The following DPYD variants were observed in gnomAD, a reference collection of about 807,000 sequenced individuals.
The protein encoded by DPYD is dihydropyrimidine dehydrogenase [NADP(+)].
In DPYD, 109 loss-of-function variants were observed where a neutral mutation model predicts 116.2. That is an observed-to-expected ratio of 0.94 (90% CI 0.80 to 1.10). The LOEUF (loss-of-function observed/expected upper bound fraction) is 1.10, where lower values mean the gene tolerates loss of function less well. DPYD is among the 50% of genes least tolerant of loss of function. The pLI is 0.00. For synonymous variants in DPYD, 440 were observed against 432.0 expected, an observed-to-expected ratio of 1.02 and a Z score of -0.23; for missense variants, 1,302 against 1,254.5, an observed-to-expected ratio of 1.04 and a Z score of -0.57.
chr1:97,255,526 A>C (rs902675353), intron 18 of DPYD, among the ~76,000 whole-genome samples: 7 of 152,090 alleles, frequency 4.6e-5, no homozygotes, highest in African/African-American at 1.7e-4. Context: ...GCCTGCTGCC[A>C]TTCATGTAAG....
intron 3 of DPYD, among the ~76,000 whole-genome samples, chr1:97,813,940 A>G (rs934130650): frequency 6.6e-6 from 1 of 151,748 alleles, no homozygotes; most frequent in Non-Finnish European, 1.5e-5. Flanking sequence ...ACACACACAC[A>G]CACACACACA....
At chr1:97,451,087 T>C (rs1054780516) in intron 13 of DPYD, among the ~76,000 whole-genome samples, 3 of 152,154 alleles carry the variant, frequency 2.0e-5, no homozygotes, top group African/African-American at 7.2e-5. Context: ...CCTCACCATC[T>C]TGTCACTTTT....
At chr1:97,211,388 A>G (rs2101871473) in intron 19 of DPYD, among the ~76,000 whole-genome samples, 1 of 152,278 alleles carries the variant, frequency 6.6e-6, no homozygotes, top group Admixed American at 6.5e-5. Context: ...TAAAGTACTT[A>G]CCACTATCTG....
In DPYD at chr1:97,688,910, C is replaced by T. The variant is rs541105619; in HGVS notation, c.762+2807G>A. ...AGTATAATTCAACATATAAACTCAA[C>T]GTAAGTATTTACAAAGGGGAATTGA... On this transcript the variant is annotated intron_variant, in intron 7 of 22. Transcript: ENST00000370192. Among the ~76,000 whole-genome samples the T allele has an allele frequency of 4.6e-5, 7 of 151,622 alleles. No homozygotes were observed. The South Asian group carries it at 1.0e-3, about 23-fold the overall frequency.
In DPYD at chr1:97,684,906, T is replaced by C. The variant is rs550698916; in HGVS notation, c.763-5724A>G. ...GCCAGATGGATTTACAGCTGAATTCTACCAGAATTACAAATAGAAGCTGGT... is the reference window on the plus strand; with the variant it reads ...GCCAGATGGATTTACAGCTGAATTCCACCAGAATTACAAATAGAAGCTGGT... On this transcript the variant is annotated intron_variant, in intron 7 of 22. Coordinates refer to ENST00000370192, the MANE Select transcript of DPYD (RefSeq NM_000110.4). Among the ~76,000 whole-genome samples, 58 of 152,180 alleles carry C rather than the reference T, an allele frequency of 3.8e-4. 1 individual carries two copies. The highest frequency in any genetic ancestry group is 5.9e-4 in the Non-Finnish European group (40 of 68,036).
intron 13 of DPYD, among the ~76,000 whole-genome samples, chr1:97,491,914 A>T (rs1480257219): frequency 6.6e-6 from 1 of 152,076 alleles, no homozygotes; most frequent in Non-Finnish European, 1.5e-5. Flanking sequence ...TTGGAAAGGC[A>T]TTTACAAGTT....
Position 97,142,624 on chromosome 1 carries a change from CTCTT to C in DPYD, c.2623-43996_2623-43993del, listed in dbSNP as rs773432964. On this transcript the variant is annotated intron_variant, in intron 20 of 22. Coordinates refer to ENST00000370192, the MANE Select transcript of DPYD (RefSeq NM_000110.4). ...GTAGTAGACTTAAAACACTGTTACTCTCTTTATAAAACTTTACATAATAATCTGT... is the reference window on the plus strand; with the variant it reads ...GTAGTAGACTTAAAACACTGTTACTCTATAAAACTTTACATAATAATCTGT... Among the ~76,000 whole-genome samples the C allele has an allele frequency of 2.6e-5, 4 of 152,100 alleles. No homozygotes were observed. The East Asian group carries it at 5.8e-4, about 22-fold the overall frequency.
At chr1:97,573,726 AT>A (rs1490781137) in intron 11 of DPYD, 33 bp downstream of exon 11, 3 of 1,612,388 alleles carry the variant, frequency 1.9e-6, no homozygotes, top group Middle Eastern at 1.6e-4. Context: ...ATAACAGACA[AT>A]TGCATCACAC....
intron 14 of DPYD, among the ~76,000 whole-genome samples, chr1:97,414,299 A>G (rs1674171179): frequency 6.6e-6 from 1 of 152,232 alleles, no homozygotes. Flanking sequence ...TTGGTTGAGT[A>G]GACAATTTCC....
Position 97,708,473 on chromosome 1 carries a change from A to C in DPYD, c.484-8926T>G, listed in dbSNP as rs1294200300. ...AAGTTGGCTATATTTACGTGTGTCT[A>C]TTTCTGGGCTCTCTATTCTGTTCCA... On this transcript the variant is annotated intron_variant, in intron 5 of 22. Transcript: ENST00000370192. 2.6e-5 allele frequency among the ~76,000 whole-genome samples: 4 copies of C among 152,062 alleles called. No individual in the cohort carries two copies. The East Asian group carries it at 7.7e-4, about 29-fold the overall frequency.
intron 8 of DPYD, among the ~76,000 whole-genome samples, chr1:97,675,367 T>A (rs1240719648): frequency 6.6e-6 from 1 of 152,174 alleles, no homozygotes. Context: ...ACTGTGAAGA[T>A]AACAGACTAA....
chr1:97,154,585 A>G (rs1655293228), intron 20 of DPYD, among the ~76,000 whole-genome samples: 1 of 152,034 alleles, frequency 6.6e-6, no homozygotes, highest in Non-Finnish European at 1.5e-5. Context: ...CGAAACCATT[A>G]GCCATGTTAT....
chr1:97,257,464 A>AC, intron 18 of DPYD, among the ~76,000 whole-genome samples: 1 of 138,222 alleles, frequency 7.2e-6, no homozygotes, highest in Non-Finnish European at 1.5e-5. Context: ...GAGAGAGAGA[A>AC]AGAGAGAGAG....
intron 18 of DPYD, among the ~76,000 whole-genome samples, chr1:97,236,111 G>C (rs1024689897): frequency 7.2e-5 from 11 of 152,116 alleles, no homozygotes; most frequent in African/African-American, 2.7e-4. Flanking sequence ...CATAATAAAG[G>C]AATATAATTT....
rs142180118 is a variant in DPYD, at chr1:97,665,415, T to C, written c.850+13680A>G. 2.1e-4 allele frequency among the ~76,000 whole-genome samples: 32 copies of C among 152,324 alleles called. No individual in the cohort carries two copies. In the East Asian group the frequency reaches 6.0e-3, roughly 28 times the overall value. On this transcript the variant is annotated intron_variant, in intron 8 of 22. Coordinates refer to ENST00000370192, the MANE Select transcript of DPYD (RefSeq NM_000110.4). ...CAATCTTTTTTCACATTGTTGTTTT[T>C]ATTTTTGCTTTTTCTTTTTGTGTTT...
intron 3 of DPYD, among the ~76,000 whole-genome samples, chr1:97,757,717 A>C (rs190749751): frequency 1.3e-4 from 20 of 152,280 alleles, no homozygotes; most frequent in Admixed American, 7.2e-4. Context: ...GACAGCTATA[A>C]TTCAGTATTA....
chr1:97,478,901 G>C (rs1678146194), intron 13 of DPYD, among the ~76,000 whole-genome samples: 1 of 152,170 alleles, frequency 6.6e-6, no homozygotes, highest in African/African-American at 2.4e-5. Flanking sequence ...ATGTTATGGA[G>C]ATCTCTTCTT....
chr1:97,888,518 C>T (rs1403006935), intron 1 of DPYD, among the ~76,000 whole-genome samples: 2 of 150,710 alleles, frequency 1.3e-5, no homozygotes, highest in Non-Finnish European at 3.0e-5. Context: ...TACACTATAC[C>T]TTCAGGAAGC....
chr1:97,909,038 A>G (rs910155049), intron 1 of DPYD, among the ~76,000 whole-genome samples: 1 of 152,262 alleles, frequency 6.6e-6, no homozygotes, highest in East Asian at 1.9e-4. Context: ...TCTTGACTGC[A>G]AGCATCAAGT....
Sources: gnomAD v4.1 joint callset for allele counts (sites outside exome capture counted in the v4.1 genomes callset) on GRCh38, gnomAD v4.1.1 for gene constraint, MANE v1.5 for transcripts, NCBI Gene and HGNC (gene_info 2026-07-23, HGNC 2026-07-21) for gene names.